CNPY1: variants seen among roughly 807,000 people sequenced by gnomAD.
CNPY1 encodes protein canopy homolog 1.
Under a neutral mutation model 14.4 loss-of-function variants are expected in CNPY1, and 14 were observed. The ratio of observed to expected loss-of-function variants is 0.97; its 90% CI spans 0.64 to 1.52. The LOEUF (loss-of-function observed/expected upper bound fraction) is 1.52, where lower values mean the gene tolerates loss of function less well. Ranked by LOEUF, CNPY1 falls within the 40% of genes most tolerant of loss-of-function variation. CNPY1 has a pLI of 0.00. For synonymous variants in CNPY1, 43 were observed against 46.5 expected, an observed-to-expected ratio of 0.92 and a Z score of 0.31; for missense variants, 129 against 131.5, an observed-to-expected ratio of 0.98 and a Z score of 0.09.
chr7:155,541,149 C>A (rs1797079639), intron 2 of CNPY1, among the ~76,000 whole-genome samples: 1 of 152,198 alleles, frequency 6.6e-6, no homozygotes, highest in South Asian at 2.1e-4. Context: ...GCCAAGGAGG[C>A]AGCTCTCTGA....
intron 2 of CNPY1, among the ~76,000 whole-genome samples, chr7:155,521,288 CT>C (rs1365054938): frequency 6.6e-6 from 1 of 152,222 alleles, no homozygotes; most frequent in Non-Finnish European, 1.5e-5. Context: ...GTGCGAAGGA[CT>C]GACATGAACA....
chr7:155,540,901 G>A (rs1337766378), intron 2 of CNPY1, among the ~76,000 whole-genome samples: 1 of 152,246 alleles, frequency 6.6e-6, no homozygotes, highest in African/African-American at 2.4e-5. Flanking sequence ...GTAAGCAAAT[G>A]TGAAGTAACT....
chr7:155,514,663 G>A (rs1796583064), intron 2 of CNPY1, among the ~76,000 whole-genome samples: 1 of 152,206 alleles, frequency 6.6e-6, no homozygotes, highest in African/African-American at 2.4e-5. Context: ...GGAAGGCCGA[G>A]ATGGGTGGAT....
rs1328991997 is a variant in CNPY1, at chr7:155,502,395, A to G, written c.*673T>C. On this transcript the variant is annotated 3_prime_UTR_variant, in exon 5 of 5. Transcript: ENST00000636446. ...CTTTTAACACCTGATGCAATAATAA[A>G]TCAACTTTCTAAGCCACTTAAACTC... is the stretch of plus-strand genomic sequence containing the variant. 2.0e-5 allele frequency: 3 copies of G among 152,236 alleles called. No individual in the cohort carries two copies. The highest frequency in any genetic ancestry group is 7.2e-5 in the African/African-American group (3 of 41,464). 9.4% of individuals were successfully genotyped at this position (152,236 alleles called of 1,614,324 possible). A position where few individuals can be genotyped will look rare whatever the true frequency, so the allele number is the denominator to read the frequency against.
At chr7:155,509,178 C>T (rs941099032) in intron 2 of CNPY1, 81 bp from the exon 3 acceptor site, 3 of 732,678 alleles carry the variant, frequency 4.1e-6, no homozygotes, top group African/African-American at 1.8e-5. Context: ...CACATGGAAA[C>T]GCCACACTCT....
intron 2 of CNPY1, among the ~76,000 whole-genome samples, chr7:155,519,981 A>T (rs752986932): frequency 2.6e-5 from 4 of 152,188 alleles, no homozygotes; most frequent in Admixed American, 6.5e-5. Context: ...CATTTTAAAA[A>T]TGATCAGTAA....
At chr7:155,543,199 G>A (rs983290259) in intron 2 of CNPY1, among the ~76,000 whole-genome samples, 5 of 152,162 alleles carry the variant, frequency 3.3e-5, no homozygotes, top group African/African-American at 7.2e-5. Flanking sequence ...GTGGCCAGCC[G>A]GGCCGGGCTG....
At chr7:155,514,926 TA>T (rs1193301787) in intron 2 of CNPY1, among the ~76,000 whole-genome samples, 3 of 151,528 alleles carry the variant, frequency 2.0e-5, no homozygotes, top group Non-Finnish European at 4.4e-5. Flanking sequence ...TAAAATAAAA[TA>T]AAAAATGTTA....
rs1313247743 is a variant in CNPY1, at chr7:155,502,888, G to A, written c.*180C>T. 3.5e-5 allele frequency: 19 copies of A among 536,482 alleles called. No homozygotes were observed. The highest frequency in any genetic ancestry group is 9.6e-5 in the South Asian group (3 of 31,336). 33.2% of individuals were successfully genotyped at this position (536,482 alleles called of 1,614,324 possible). On this transcript the variant is annotated 3_prime_UTR_variant, in exon 5 of 5. Transcript: ENST00000636446. ...TCCTCAGCTTCACCTATAAAAAAAC[G>A]CAGGGTTTGTCATGATGTCAACCAA... is the stretch of plus-strand genomic sequence containing the variant.
intron 2 of CNPY1, among the ~76,000 whole-genome samples, chr7:155,513,698 C>T (rs1364023846): frequency 6.6e-6 from 1 of 150,976 alleles, no homozygotes. Flanking sequence ...ATTTCTGGAG[C>T]TTATTTTCAA....
At position 155,508,498 on chromosome 7, in the gene CNPY1, T is replaced by C. The variant is rs1585300267; in HGVS notation, c.303+396A>G. On this transcript the variant is annotated intron_variant, in intron 3 of 4. Transcript: ENST00000636446. Reference sequence around the variant, plus strand: ...CTAGAAACCACAGCCCCTGATTCCTTATGTGGAAACCTGTGAGAGACCTTC... The same window carrying C: ...CTAGAAACCACAGCCCCTGATTCCTCATGTGGAAACCTGTGAGAGACCTTC... Among the ~76,000 whole-genome samples, 3 of 152,244 alleles carry C rather than the reference T, an allele frequency of 2.0e-5. No homozygotes were observed. The East Asian group carries it at 5.8e-4, about 29-fold the overall frequency.
At chr7:155,520,179 C>T (rs1277185403) in intron 2 of CNPY1, among the ~76,000 whole-genome samples, 3 of 152,198 alleles carry the variant, frequency 2.0e-5, no homozygotes, top group African/African-American at 7.2e-5. Context: ...CCAAATCACA[C>T]TGTGAATTTC....
chr7:155,527,869 T>C (rs1026687468), intron 2 of CNPY1, among the ~76,000 whole-genome samples: 4 of 152,240 alleles, frequency 2.6e-5, no homozygotes, highest in African/African-American at 9.6e-5. Flanking sequence ...TCCCGGCCGC[T>C]GCTGGGCCAG....
intron 2 of CNPY1, among the ~76,000 whole-genome samples, chr7:155,538,494 CCTG>C: frequency 6.6e-6 from 1 of 151,980 alleles, no homozygotes; most frequent in Non-Finnish European, 1.5e-5. Context: ...CCACCCCCCT[CCTG>C]CTAACCCCAG....
intron 2 of CNPY1, among the ~76,000 whole-genome samples, chr7:155,519,450 G>T (rs1796677301): frequency 6.6e-6 from 1 of 151,930 alleles, no homozygotes; most frequent in South Asian, 2.1e-4. Flanking sequence ...GAACCCAGGA[G>T]GTCAAGGCTG....
At position 155,512,223 on chromosome 7, in the gene CNPY1, C is replaced by T. The variant is rs184405622; in HGVS notation, c.100-3126G>A. ...GGCCTGTGTAGCCAGAGAAAACCCA[C>T]GCACTGGCACAGTTTTCTTATCTGC... is the stretch of plus-strand genomic sequence containing the variant. On this transcript the variant is annotated intron_variant, in intron 2 of 4. Coordinates refer to ENST00000636446, the MANE Select transcript of CNPY1 (RefSeq NM_001393663.1). 1.8e-4 allele frequency among the ~76,000 whole-genome samples: 27 copies of T among 152,156 alleles called. No homozygotes were observed. The East Asian group carries it at 2.1e-3, about 12-fold the overall frequency.
intron 2 of CNPY1, among the ~76,000 whole-genome samples, chr7:155,531,343 TTGA>T (rs1796933733): frequency 6.6e-6 from 1 of 152,234 alleles, no homozygotes; most frequent in Non-Finnish European, 1.5e-5. Context: ...GTGCTAAATG[TTGA>T]TGTTTTTAGA....
intron 2 of CNPY1, among the ~76,000 whole-genome samples, chr7:155,527,027 C>CTTTT (rs1271266721): frequency 1.6e-5 from 1 of 64,138 alleles, no homozygotes; most frequent in Non-Finnish European, 3.2e-5. Context: ...CTTTTCTTTT[C>CTTTT]TTTTTTCTTT....
intron 2 of CNPY1, among the ~76,000 whole-genome samples, chr7:155,528,787 G>A (rs55924665): frequency 0.23 from 35,751 of 152,174 alleles, 4,783 homozygotes; most frequent in East Asian, 0.39. Flanking sequence ...TGGGCTGGGC[G>A]CGGTGGCTCA....
Sources: gnomAD v4.1 joint callset for allele counts (sites outside exome capture counted in the v4.1 genomes callset) on GRCh38, gnomAD v4.1.1 for gene constraint, MANE v1.5 for transcripts, NCBI Gene and HGNC (gene_info 2026-07-23, HGNC 2026-07-21) for gene names.